The following MYCBPAP variants were observed in gnomAD, a reference collection of about 807,000 sequenced individuals.
MYCBPAP encodes MYCBP associated protein, also known as MYCBP-associated protein.
Under a neutral mutation model 106.1 loss-of-function variants are expected in MYCBPAP, and 60 were observed. The ratio of observed to expected loss-of-function variants is 0.57; its 90% CI spans 0.46 to 0.70. The LOEUF (loss-of-function observed/expected upper bound fraction) is 0.70, where lower values mean the gene tolerates loss of function less well. Ranked by LOEUF, MYCBPAP falls within the 30% of genes least tolerant of loss-of-function variation. MYCBPAP has a pLI of 0.00. For synonymous variants in MYCBPAP, 407 were observed against 440.6 expected, an observed-to-expected ratio of 0.92 and a Z score of 0.95; for missense variants, 1,064 against 1,169.3, an observed-to-expected ratio of 0.91 and a Z score of 1.31.
chr17:50,512,086 C>CT (rs2033874498), intron 1 of MYCBPAP, among the ~76,000 whole-genome samples: 1 of 145,518 alleles, frequency 6.9e-6, no homozygotes, highest in South Asian at 2.2e-4. Flanking sequence ...GAGTCTTGCT[C>CT]TGTCGCCCAG....
chr17:50,509,039 T>G (rs1209332505), intron 1 of MYCBPAP: 3 of 702,702 alleles, frequency 4.3e-6, no homozygotes, highest in Non-Finnish European at 2.6e-6. Flanking sequence ...AACCACATCT[T>G]AGGGTGGCAT....
chr17:50,521,471 T>C, intron 9 of MYCBPAP, 40 bp downstream of exon 9: 3 of 1,408,900 alleles, frequency 2.1e-6, no homozygotes, highest in Non-Finnish European at 3.0e-6. Flanking sequence ...GGCTGAAGAG[T>C]TCTCCAGCAC....
chr17:50,516,882 T>C (rs538422647), intron 2 of MYCBPAP, among the ~76,000 whole-genome samples, 185 bp downstream of exon 2: 1 of 152,326 alleles, frequency 6.6e-6, no homozygotes, highest in South Asian at 2.1e-4. Context: ...GTTTTAACAT[T>C]TCTGAGATTC....
chr17:50,518,141 C>T (rs2034120201), intron 4 of MYCBPAP, among the ~76,000 whole-genome samples: 1 of 152,244 alleles, frequency 6.6e-6, no homozygotes, highest in African/African-American at 2.4e-5. Flanking sequence ...TCCAGCCTTC[C>T]CATCATGCAG....
At chr17:50,528,913 G>A in intron 17 of MYCBPAP, 73 bp downstream of exon 17, 1 of 1,600,864 alleles carries the variant, frequency 6.2e-7, no homozygotes, top group Non-Finnish European at 8.5e-7. Context: ...TGGGGGCTGT[G>A]GAGGTGGGCA....
intron 9 of MYCBPAP, 61 bp downstream of exon 9, chr17:50,521,492 T>A: frequency 7.8e-7 from 1 of 1,280,646 alleles, no homozygotes; most frequent in African/African-American, 1.5e-5. Flanking sequence ...CTACCAGTAT[T>A]AAAGAGCGGG....
Position 50,524,737 on chromosome 17 carries a change from T to TGTGTGTGTGTGCGTGTGA in MYCBPAP, c.1636-139_1636-138insTGTGTGTGTGCGTGTGAG, listed in dbSNP as rs373928628. 5.6e-5 allele frequency: 26 copies of TGTGTGTGTGTGCGTGTGA among 463,570 alleles called. 1 individual carries two copies. The African/African-American group carries it at 6.4e-4, about 11-fold the overall frequency. The allele number at this position is 463,570 out of a possible 1,614,324, so 28.7% of individuals were successfully genotyped here. ...GTGTGTGTGTGTGTGTGTGTGTGTG[T>TGTGTGTGTGTGCGTGTGA]GAGAGAGAGAGAGAGAGAGAGACAA... On this transcript the variant is annotated intron_variant, in intron 12 of 18. Coordinates refer to ENST00000323776, the MANE Select transcript of MYCBPAP (RefSeq NM_032133.6).
At chr17:50,520,063 G>A in intron 7 of MYCBPAP, 1 of 356,864 alleles carries the variant, frequency 2.8e-6, no homozygotes. Context: ...TGAGCGCCTG[G>A]ATCGTGGCTG....
chr17:50,518,223 T>C (rs2034123643), intron 4 of MYCBPAP, among the ~76,000 whole-genome samples: 1 of 152,262 alleles, frequency 6.6e-6, no homozygotes, highest in Non-Finnish European at 1.5e-5. Flanking sequence ...CTAAGGGGCC[T>C]GGGGCCCTGT....
intron 15 of MYCBPAP, among the ~76,000 whole-genome samples, chr17:50,527,646 C>T (rs79417618): frequency 0.038 from 5,860 of 152,228 alleles, 171 homozygotes; most frequent in Middle Eastern, 0.071. Context: ...CTTGTTCCTT[C>T]TCAGTGAGCA....
chr17:50,522,244 AG>A, intron 10 of MYCBPAP, 163 bp downstream of exon 10: 1 of 557,930 alleles, frequency 1.8e-6, no homozygotes, highest in South Asian at 2.1e-5. Flanking sequence ...GACTTGAGCA[AG>A]AATAAAATCA....
At chr17:50,511,203 T>A (rs1233690388) in intron 1 of MYCBPAP, among the ~76,000 whole-genome samples, 1 of 152,070 alleles carries the variant, frequency 6.6e-6, no homozygotes, top group Admixed American at 6.5e-5. Context: ...TTGTGCGATG[T>A]TTCTCCAAAG....
At chr17:50,528,936 C>T in intron 17 of MYCBPAP, 82 bp from the exon 18 acceptor site, 5 of 1,597,068 alleles carry the variant, frequency 3.1e-6, no homozygotes, top group African/African-American at 1.3e-5. Context: ...TGCCCAGGCT[C>T]TCCCAGTGAG....
In MYCBPAP at chr17:50,508,602, G is replaced by A. The variant is rs1327874014; in HGVS notation, c.-73G>A. 2.6e-6 allele frequency: 4 copies of A among 1,555,266 alleles called. No individual in the cohort carries two copies. Among genetic ancestry groups the A allele is most frequent in the South Asian group, 2.3e-5 (2 of 86,228 alleles). ...GTGGACGCAGTGGCGGCCGTTGGCTGGCGGGTGCGGCGCAGCCTCGGTGTC... is the reference window on the plus strand; with the variant it reads ...GTGGACGCAGTGGCGGCCGTTGGCTAGCGGGTGCGGCGCAGCCTCGGTGTC... On this transcript the variant is annotated 5_prime_UTR_variant, in exon 1 of 19. An upstream open reading frame in the 5' UTR gains an earlier in-frame stop. Coordinates refer to ENST00000323776, the MANE Select transcript of MYCBPAP (RefSeq NM_032133.6).
intron 7 of MYCBPAP, chr17:50,520,058 G>T (rs983673718): frequency 1.0e-4 from 37 of 366,490 alleles, no homozygotes; most frequent in African/African-American, 7.0e-4. Context: ...GCTGGTGAGC[G>T]CCTGGATCGT....
In MYCBPAP at chr17:50,518,696, G is replaced by T. The variant is rs201602967; in HGVS notation, c.624G>T (p.Leu208=). The change falls in exon 5 of 19, where the codon CTG becomes CTT. Residue 208 remains leucine (L), a synonymous_variant. Transcript: ENST00000323776. ...FLKNWQRNTA[L]RKKQQEALSE... The stretch of plus-strand genomic sequence containing the variant: ...AAAACTGGCAGCGTAACACAGCCCT[G>T]CGGAAGAAGCAGCAGGAAGCCCTCA... 106 of 1,593,900 alleles carry T rather than the reference G, an allele frequency of 6.7e-5. No individual in the cohort carries two copies. The African/African-American group carries it at 1.4e-3, about 21-fold the overall frequency.
At chr17:50,515,210 C>T (rs1288325916) in intron 1 of MYCBPAP, among the ~76,000 whole-genome samples, 2 of 82,984 alleles carry the variant, frequency 2.4e-5, no homozygotes, top group Non-Finnish European at 4.4e-5. Flanking sequence ...CTCCCTGACT[C>T]CCCCACCTCC....
chr17:50,526,424 A>ATTTATTTAT (rs1332556701), intron 14 of MYCBPAP, among the ~76,000 whole-genome samples, 157 bp downstream of exon 14: 10 of 151,728 alleles, frequency 6.6e-5, no homozygotes, highest in Non-Finnish European at 1.2e-4. Flanking sequence ...CTATTTATTT[A>ATTTATTTAT]TTTATTTATT....
chr17:50,511,587 A>G (rs1462592462), intron 1 of MYCBPAP, among the ~76,000 whole-genome samples: 1 of 152,010 alleles, frequency 6.6e-6, no homozygotes, highest in Admixed American at 6.5e-5. Context: ...TCCTACCCCC[A>G]CCTGAGCACC....
Sources: allele counts gnomAD v4.1 joint callset (sites outside exome capture counted in the v4.1 genomes callset), GRCh38; gene constraint gnomAD v4.1.1; transcripts MANE v1.5; gene names NCBI Gene and HGNC (gene_info 2026-07-23, HGNC 2026-07-21).